The following OSBPL10 variants were observed in gnomAD, a reference collection of about 807,000 sequenced individuals.
The protein encoded by OSBPL10 is oxysterol-binding protein-related protein 10.
OSBPL10 carries 49 observed loss-of-function variants against 81.7 expected under a neutral mutation model. The ratio of observed to expected loss-of-function variants is 0.60; its 90% CI spans 0.48 to 0.76. The LOEUF is 0.76. Among genes scored for constraint, OSBPL10 ranks in the 30% least tolerant of loss-of-function variants. The pLI is 0.00. For synonymous variants in OSBPL10, 419 were observed against 383.6 expected, an observed-to-expected ratio of 1.09 and a Z score of -1.08; for missense variants, 923 against 987.8, an observed-to-expected ratio of 0.93 and a Z score of 0.88.
chr3:31,797,617 A>C (rs1414393305), intron 4 of OSBPL10: 1 of 319,640 alleles, frequency 3.1e-6, no homozygotes, highest in Non-Finnish European at 6.3e-6. Context: ...TCCAAACTAC[A>C]ATTTCTGTGA....
intron 4 of OSBPL10, among the ~76,000 whole-genome samples, chr3:31,764,145 C>T (rs1698135595): frequency 6.6e-6 from 1 of 152,244 alleles, no homozygotes; most frequent in Admixed American, 6.5e-5. Context: ...GCTTTCTACT[C>T]CTTCTCCACA....
intron 3 of OSBPL10, among the ~76,000 whole-genome samples, chr3:31,838,701 C>G (rs1414533644): frequency 6.6e-6 from 1 of 152,040 alleles, no homozygotes; most frequent in East Asian, 1.9e-4. Context: ...AACACCATAA[C>G]TGGGAGCTGA....
intron 5 of OSBPL10, among the ~76,000 whole-genome samples, chr3:31,742,161 A>G (rs995067808): frequency 6.6e-6 from 1 of 152,254 alleles, no homozygotes; most frequent in Non-Finnish European, 1.5e-5. Flanking sequence ...GAAAGAAAGT[A>G]TAACAGACAA....
chr3:31,747,936 T>C lies in OSBPL10; in HGVS notation c.914A>G (p.Gln305Arg), dbSNP rs1323002082. Residue 305 changes from glutamine to arginine, a missense_variant, in exon 5 of 12, where the codon CAG (glutamine) becomes CGG (arginine). Physicochemically the swap from Gln to Arg is conservative, Grantham distance 43 (BLOSUM62 1). Transcript: ENST00000396556. The stretch of plus-strand genomic sequence containing the variant: ...CGAGGCTCCTGGCTTCTGGCTGGGC[T>C]GGCCCGCCTGGTGCACACTCTGCTG... ...LLQQSVHQAG[Q>R]PSQKPGASEN... The C allele has an allele frequency of 1.2e-6, 2 of 1,613,822 alleles. No homozygotes were observed. The highest frequency in any genetic ancestry group is 4.5e-5 in the East Asian group (2 of 44,874).
rs201981039 is a variant in OSBPL10, at chr3:31,749,343, A to G, written c.730-1223T>C. Among the ~76,000 whole-genome samples, 3 of 152,254 alleles carry G rather than the reference A, an allele frequency of 2.0e-5. No individual in the cohort carries two copies. In the East Asian group the frequency reaches 5.8e-4, roughly 29 times the overall value. On this transcript the variant is annotated intron_variant, in intron 4 of 11. Coordinates refer to ENST00000396556, the MANE Select transcript of OSBPL10 (RefSeq NM_017784.5). ...TGTTTTTAAAAAGATTATTGTTAATAGACACATTCCACAGATGTGGTTTGA... is the reference window on the plus strand; with the variant it reads ...TGTTTTTAAAAAGATTATTGTTAATGGACACATTCCACAGATGTGGTTTGA...
chr3:31,944,133 A>G (rs975457439), intron 1 of OSBPL10, among the ~76,000 whole-genome samples: 1 of 152,110 alleles, frequency 6.6e-6, no homozygotes, highest in African/African-American at 2.4e-5. Context: ...CATTTTCATG[A>G]ATTATTTCTT....
chr3:31,890,501 G>C (rs1313439867), intron 1 of OSBPL10, among the ~76,000 whole-genome samples: 4 of 152,100 alleles, frequency 2.6e-5, no homozygotes, highest in Non-Finnish European at 4.4e-5. Context: ...CCAGGGGCCA[G>C]GCTGAGTGAA....
chr3:31,851,191 T>C (rs1700755900), intron 3 of OSBPL10, among the ~76,000 whole-genome samples: 2 of 152,242 alleles, frequency 1.3e-5, no homozygotes, highest in African/African-American at 4.8e-5. Context: ...GTTTAACCAG[T>C]CTGTACTATG....
intron 1 of OSBPL10, among the ~76,000 whole-genome samples, chr3:31,923,536 T>A (rs776778022): frequency 1.3e-5 from 2 of 152,222 alleles, no homozygotes; most frequent in East Asian, 3.8e-4. Flanking sequence ...ATCCCTGTAA[T>A]CCCAGCACTT....
intron 4 of OSBPL10, among the ~76,000 whole-genome samples, chr3:31,766,322 TTTTTTTG>T (rs1223022786): frequency 4.7e-5 from 3 of 63,388 alleles, no homozygotes; most frequent in East Asian, 6.4e-4. Context: ...CCCAATGTAG[TTTTTTTG>T]TTTTTTTGTT....
chr3:32,038,711 G>T (rs1232992116), intron 2 of OSBPL10, among the ~76,000 whole-genome samples: 1 of 152,202 alleles, frequency 6.6e-6, no homozygotes, highest in Admixed American at 6.5e-5. Context: ...ATGGGCATAA[G>T]GGATCTTTCA....
intron 2 of OSBPL10, among the ~76,000 whole-genome samples, chr3:32,031,781 C>T (rs1465404973): frequency 8.1e-6 from 1 of 123,978 alleles, no homozygotes; most frequent in East Asian, 2.8e-4. Flanking sequence ...CTAAAAGAAT[C>T]CATAAAATTC....
intron 1 of OSBPL10, among the ~76,000 whole-genome samples, chr3:31,913,080 T>C (rs546929395): frequency 6.6e-6 from 1 of 152,302 alleles, no homozygotes; most frequent in Non-Finnish European, 1.5e-5. Flanking sequence ...AACTGGAATT[T>C]CTAAAATGCC....
At chr3:31,762,787 C>T (rs1253405198) in intron 4 of OSBPL10, among the ~76,000 whole-genome samples, 1 of 151,766 alleles carries the variant, frequency 6.6e-6, no homozygotes, top group Non-Finnish European at 1.5e-5. Flanking sequence ...CCATTATTCT[C>T]ATTTTACACA....
In OSBPL10 at chr3:31,727,305, G is replaced by A. The variant is rs192370170; in HGVS notation, c.1095+5952C>T. Among the ~76,000 whole-genome samples, 376 of 151,898 alleles carry A rather than the reference G, an allele frequency of 2.5e-3. 2 individuals are homozygous for A. The highest frequency in any genetic ancestry group is 8.1e-3 in the African/African-American group (337 of 41,398). On this transcript the variant is annotated intron_variant, in intron 6 of 11. Transcript: ENST00000396556. ...ACCTAAGTTCTGTGATGCTTGGCAA[G>A]TTAAACAACCACTCGAGTTTGAGGA...
At chr3:31,973,120 C>T (rs1698608010) in intron 1 of OSBPL10, among the ~76,000 whole-genome samples, 1 of 152,146 alleles carries the variant, frequency 6.6e-6, no homozygotes, top group Middle Eastern at 3.2e-3. Flanking sequence ...TGCAAAAAGC[C>T]TCCCACGTTT....
intron 1 of OSBPL10, among the ~76,000 whole-genome samples, chr3:31,882,706 C>T (rs977345501): frequency 6.6e-6 from 1 of 152,138 alleles, no homozygotes; most frequent in Non-Finnish European, 1.5e-5. Flanking sequence ...TGGAGACAAC[C>T]TACAGCACAA....
At chr3:31,969,879 A>G (rs1400249548) in intron 1 of OSBPL10, among the ~76,000 whole-genome samples, 1 of 151,898 alleles carries the variant, frequency 6.6e-6, no homozygotes, top group African/African-American at 2.4e-5. Context: ...AGAAAAAAAA[A>G]AAACACGAGG....
At chr3:32,036,895 C>A (rs1699524500) in intron 2 of OSBPL10, among the ~76,000 whole-genome samples, 1 of 152,034 alleles carries the variant, frequency 6.6e-6, no homozygotes. Context: ...CCATGGACAG[C>A]CACAAGGAGC....
Sources: gnomAD v4.1 joint callset for allele counts (sites outside exome capture counted in the v4.1 genomes callset) on GRCh38, gnomAD v4.1.1 for gene constraint, MANE v1.5 for transcripts, NCBI Gene and HGNC (gene_info 2026-07-23, HGNC 2026-07-21) for gene names.